The following TNFSF4 variants were observed in gnomAD, a reference collection of about 807,000 sequenced individuals.
TNFSF4 encodes the protein TNF superfamily member 4.
TNFSF4 carries 4 observed loss-of-function variants against 7.3 expected under a neutral mutation model. That is an observed-to-expected ratio of 0.55 (90% confidence interval 0.27 to 1.25). The LOEUF is 1.25. Among genes scored for constraint, TNFSF4 ranks in the 50% most tolerant of loss-of-function variants. TNFSF4 has a pLI of 0.12. For missense variants in TNFSF4, 181 were observed against 208.8 expected (o/e 0.87, Z 0.82); for synonymous variants, 76 against 83.7 (o/e 0.91, Z 0.50).
chr1:173,336,243 C>A, the TNFSF4 span, among the ~76,000 whole-genome samples: 1 of 152,152 alleles, frequency 6.6e-6, no homozygotes, highest in African/African-American at 2.4e-5. Flanking sequence ...GAGATTACTA[C>A]CACCATTAAA....
the TNFSF4 span, among the ~76,000 whole-genome samples, chr1:173,367,929 G>A: frequency 6.6e-6 from 1 of 152,076 alleles, no homozygotes; most frequent in African/African-American, 2.4e-5. Flanking sequence ...TGTCTTACAA[G>A]AGGATTGTAA....
chr1:173,380,310 T>C, the TNFSF4 span, among the ~76,000 whole-genome samples: 2 of 152,112 alleles, frequency 1.3e-5, no homozygotes, highest in African/African-American at 4.8e-5. Context: ...AGTTACCCAT[T>C]TGTAGTCCCC....
downstream of TNFSF4, among the ~76,000 whole-genome samples, chr1:173,178,877 AAG>A (rs1373717402): frequency 1.1e-4 from 17 of 152,180 alleles, no homozygotes; most frequent in Admixed American, 1.1e-3. Context: ...CATTTTTTAT[AAG>A]AGAGAGACAG....
At chr1:173,359,452 T>A in the TNFSF4 span, among the ~76,000 whole-genome samples, 19 of 48,838 alleles carry the variant, frequency 3.9e-4, no homozygotes, top group East Asian at 2.1e-3. Context: ...GTTTTATATT[T>A]AAAAAAAAAA....
chr1:173,394,584 A>G, the TNFSF4 span, among the ~76,000 whole-genome samples: 1 of 152,324 alleles, frequency 6.6e-6, no homozygotes, highest in South Asian at 2.1e-4. Context: ...GAGGATTGGC[A>G]TTGTCCAATC....
chr1:173,191,674 T>C (rs1365019928), intron 1 of TNFSF4, among the ~76,000 whole-genome samples: 2 of 152,248 alleles, frequency 1.3e-5, no homozygotes, highest in African/African-American at 2.4e-5. Flanking sequence ...ACAAAGAGCA[T>C]AGACTTTGGA....
chr1:173,394,108 C>A, the TNFSF4 span, among the ~76,000 whole-genome samples: 2 of 150,982 alleles, frequency 1.3e-5, no homozygotes, highest in South Asian at 2.1e-4. Flanking sequence ...TAAATCCAGG[C>A]ACAGTGGTGC....
At chr1:173,269,003 C>T in the TNFSF4 span, among the ~76,000 whole-genome samples, 1 of 152,046 alleles carries the variant, frequency 6.6e-6, no homozygotes, top group Admixed American at 6.5e-5. Context: ...TTCATGTCCT[C>T]AATGATGCAG....
the TNFSF4 span, among the ~76,000 whole-genome samples, chr1:173,267,233 A>T: frequency 8.5e-5 from 13 of 152,158 alleles, no homozygotes; most frequent in African/African-American, 2.9e-4. Flanking sequence ...CTGCAAACAT[A>T]GTGAGTATCC....
chr1:173,273,973 G>A, the TNFSF4 span, among the ~76,000 whole-genome samples: 3 of 152,086 alleles, frequency 2.0e-5, no homozygotes, highest in South Asian at 6.2e-4. Flanking sequence ...ACAAAAGTGA[G>A]ATATTACTTA....
rs958266917 is a variant in TNFSF4 at position 173,206,952 on chromosome 1, G to A, written c.153+72C>T. 19 of 1,488,442 alleles carry A rather than the reference G, an allele frequency of 1.3e-5. No homozygotes were observed. The East Asian group carries it at 2.8e-4, about 22-fold the overall frequency. The allele number at this position is 1,488,442 out of a possible 1,614,324, so 92.2% of individuals were successfully genotyped here. A position where few individuals can be genotyped will look rare whatever the true frequency, so the allele number is the denominator to read the frequency against. ...TTTTGGCATAAGATTATTTCCAAGC[G>A]ACTGTTTGCAGCTGTTGCAGCTGCC... On this transcript the variant is annotated intron_variant, in intron 1 of 2. Coordinates refer to ENST00000281834, the MANE Select transcript of TNFSF4 (RefSeq NM_003326.5).
At chr1:173,205,686 G>C in intron 1 of TNFSF4, 3 of 734,944 alleles carry the variant, frequency 4.1e-6, no homozygotes, top group Non-Finnish European at 5.0e-6. Flanking sequence ...CTTCTCAAAA[G>C]AGCCTAATTC....
chr1:173,279,079 T>C, the TNFSF4 span, among the ~76,000 whole-genome samples: 1 of 152,108 alleles, frequency 6.6e-6, no homozygotes, highest in Non-Finnish European at 1.5e-5. Context: ...CAATTACTAC[T>C]AAGTGATCTT....
chr1:173,235,977 A>C, the TNFSF4 span, among the ~76,000 whole-genome samples: 1 of 152,168 alleles, frequency 6.6e-6, no homozygotes, highest in Non-Finnish European at 1.5e-5. Context: ...AATTGTGGCA[A>C]AATATAATAA....
the TNFSF4 span, among the ~76,000 whole-genome samples, chr1:173,377,963 C>T: frequency 2.6e-5 from 4 of 152,186 alleles, no homozygotes; most frequent in African/African-American, 9.7e-5. Flanking sequence ...AGTCCCAATA[C>T]TAACAGCAGA....
At chr1:173,426,293 C>G in the TNFSF4 span, among the ~76,000 whole-genome samples, 2 of 152,100 alleles carry the variant, frequency 1.3e-5, no homozygotes, top group African/African-American at 4.8e-5. Context: ...ATGGGAACTT[C>G]AGAAAAATTT....
the TNFSF4 span, among the ~76,000 whole-genome samples, chr1:173,416,635 T>TA: frequency 0.78 from 90,605 of 116,046 alleles, 35,881 homozygotes; most frequent in South Asian, 0.85. Flanking sequence ...TTTATTTATT[T>TA]TTTGAGAGAG....
the TNFSF4 span, among the ~76,000 whole-genome samples, chr1:173,252,865 T>C: frequency 0.014 from 2,115 of 152,312 alleles, 17 homozygotes; most frequent in Middle Eastern, 0.044. Flanking sequence ...ATACTTACGA[T>C]GTATTTAAGA....
chr1:173,297,249 A>G, the TNFSF4 span, among the ~76,000 whole-genome samples: 4 of 151,868 alleles, frequency 2.6e-5, no homozygotes, highest in Non-Finnish European at 4.4e-5. Flanking sequence ...CCATCTAATG[A>G]TATGTTAGAC....
Sources: allele counts gnomAD v4.1 joint callset (sites outside exome capture counted in the v4.1 genomes callset), GRCh38; gene constraint gnomAD v4.1.1; transcripts MANE v1.5; gene names NCBI Gene and HGNC (gene_info 2026-07-23, HGNC 2026-07-21).